Variants in SV2C observed in about 807,000 individuals in gnomAD.
SV2C encodes the protein synaptic vesicle glycoprotein 2C, also known as solute carrier family 22 member B3.
A neutral mutation model predicts 79.7 loss-of-function variants in SV2C; 49 were observed. The observed-to-expected ratio is 0.61, with a 90% CI of 0.49 to 0.78. The LOEUF (loss-of-function observed/expected upper bound fraction) is 0.78. Among genes scored for constraint, SV2C ranks in the 30% least tolerant of loss-of-function variants. The probability of loss-of-function intolerance (pLI) is 0.00; values close to 1 mark genes in which losing one functional copy is unlikely to be tolerated. For synonymous variants in SV2C, 334 were observed against 333.2 expected, an observed-to-expected ratio of 1.00 and a Z score of -0.03; for missense variants, 833 against 912.9, an observed-to-expected ratio of 0.91 and a Z score of 1.13.
intron 2 of SV2C, among the ~76,000 whole-genome samples, chr5:76,160,129 G>A (rs1416064540): frequency 6.6e-6 from 1 of 152,016 alleles, no homozygotes; most frequent in Non-Finnish European, 1.5e-5. Flanking sequence ...GAAATCCTTT[G>A]CAAATGAATC....
At chr5:75,945,307 T>C in the SV2C span, among the ~76,000 whole-genome samples, 1 of 151,728 alleles carries the variant, frequency 6.6e-6, no homozygotes, top group Non-Finnish European at 1.5e-5. Context: ...AAATATACAT[T>C]ATTATTTTTC....
At chr5:76,255,682 C>T (rs1746240749) in intron 4 of SV2C, among the ~76,000 whole-genome samples, 1 of 152,198 alleles carries the variant, frequency 6.6e-6, no homozygotes, top group South Asian at 2.1e-4. Flanking sequence ...CCTGTGAAAG[C>T]CAAGCCCCTC....
In SV2C at chr5:76,291,838, G is replaced by T. The variant is rs1201341219; in HGVS notation, c.1319G>T (p.Trp440Leu). ...RDNTIKLTIV[W>L]FTLSFGYYGL... is the part of the protein sequence containing the mutation. ...AATACAATAAAGCTTACAATTGTTT[G>T]GTTCACCCTGTCCTTTGGGTAAGTG... Residue 440 changes from tryptophan to leucine, a missense_variant, in exon 8 of 13, where the codon TGG (tryptophan) becomes TTG (leucine). Trp to Leu is a moderately conservative substitution (Grantham distance 61). Coordinates refer to ENST00000502798, the MANE Select transcript of SV2C (RefSeq NM_014979.4). 6.2e-7 allele frequency: 1 copy of T among 1,608,722 alleles called. No homozygotes were observed. Among genetic ancestry groups the T allele is most frequent in the Admixed American group, 1.7e-5 (1 of 59,680 alleles).
chr5:75,916,661 G>T, the SV2C span, among the ~76,000 whole-genome samples: 1 of 152,082 alleles, frequency 6.6e-6, no homozygotes, highest in African/African-American at 2.4e-5. Flanking sequence ...TTTTAGTAGA[G>T]ACGGGGTTTC....
intron 4 of SV2C, among the ~76,000 whole-genome samples, chr5:76,222,156 T>C (rs1745084602): frequency 6.6e-6 from 1 of 152,164 alleles, no homozygotes; most frequent in African/African-American, 2.4e-5. Context: ...AACATATCAC[T>C]CCTGGGTGTT....
At chr5:76,061,263 A>C in the SV2C span, among the ~76,000 whole-genome samples, 1 of 126,776 alleles carries the variant, frequency 7.9e-6, no homozygotes. Context: ...CAAACCTTCA[A>C]TTTGTAAAAA....
intron 4 of SV2C, among the ~76,000 whole-genome samples, chr5:76,235,985 C>T (rs1313216188): frequency 6.6e-6 from 1 of 152,014 alleles, no homozygotes; most frequent in Non-Finnish European, 1.5e-5. Flanking sequence ...ATTGTATTTG[C>T]AGAGCTCAGT....
At position 76,264,792 on chromosome 5, in the gene SV2C, G is replaced by C. The variant is rs1260242037; in HGVS notation, c.914-20370G>C. Reference sequence around the variant, plus strand: ...TACAGAACAGTAAAGATTCCTGCCTGCTCCTTCCTCTGGAAGGTTCTTCCC... The same window carrying C: ...TACAGAACAGTAAAGATTCCTGCCTCCTCCTTCCTCTGGAAGGTTCTTCCC... On this transcript the variant is annotated intron_variant, in intron 4 of 12. Coordinates refer to ENST00000502798, the MANE Select transcript of SV2C (RefSeq NM_014979.4). Among the ~76,000 whole-genome samples the C allele has an allele frequency of 2.0e-5, 3 of 152,184 alleles. No homozygotes were observed. The East Asian group carries it at 5.8e-4, about 29-fold the overall frequency.
At chr5:75,937,847 G>A in the SV2C span, among the ~76,000 whole-genome samples, 1 of 150,714 alleles carries the variant, frequency 6.6e-6, no homozygotes, top group African/African-American at 2.4e-5. Context: ...CTTCATTTAT[G>A]TTCAATTTAA....
intron 1 of SV2C, among the ~76,000 whole-genome samples, chr5:76,092,409 G>A: frequency 6.6e-6 from 1 of 152,168 alleles, no homozygotes; most frequent in Non-Finnish European, 1.5e-5. Flanking sequence ...TAATGTAGGT[G>A]AGGTCATCTA....
the SV2C span, among the ~76,000 whole-genome samples, chr5:75,964,066 G>T: frequency 4.6e-5 from 7 of 152,052 alleles, no homozygotes; most frequent in Admixed American, 3.9e-4. Context: ...AAGGGGCTTG[G>T]ATTGTTTAAG....
At chr5:75,877,923 G>T in the SV2C span, among the ~76,000 whole-genome samples, 1 of 146,068 alleles carries the variant, frequency 6.8e-6, no homozygotes, top group Non-Finnish European at 1.5e-5. Context: ...AAAACTTATC[G>T]AATGCAGGGA....
the SV2C span, among the ~76,000 whole-genome samples, chr5:75,937,038 CTCTT>C: frequency 6.8e-6 from 1 of 147,428 alleles, no homozygotes; most frequent in Non-Finnish European, 1.5e-5. Flanking sequence ...GTTAAACCCT[CTCTT>C]TCTGTCACAC....
At chr5:76,143,939 G>T (rs1323118641) in intron 2 of SV2C, among the ~76,000 whole-genome samples, 1 of 152,096 alleles carries the variant, frequency 6.6e-6, no homozygotes, top group African/African-American at 2.4e-5. Flanking sequence ...GAGAAAAACT[G>T]AAGTCAAATA....
chr5:76,116,496 C>G (rs1045078408), intron 1 of SV2C, among the ~76,000 whole-genome samples: 3 of 152,246 alleles, frequency 2.0e-5, no homozygotes, highest in African/African-American at 7.2e-5. Flanking sequence ...CAGTCCCCAC[C>G]GCCTTCCCTA....
At chr5:76,087,426 G>A (rs1441350223) in intron 1 of SV2C, among the ~76,000 whole-genome samples, 5 of 152,206 alleles carry the variant, frequency 3.3e-5, no homozygotes, top group Non-Finnish European at 7.3e-5. Flanking sequence ...AGAGTACAGT[G>A]AGATTTATGA....
intron 12 of SV2C, among the ~76,000 whole-genome samples, chr5:76,303,000 C>G (rs1440517183): frequency 1.3e-5 from 2 of 152,132 alleles, no homozygotes; most frequent in African/African-American, 2.4e-5. Context: ...GAGGTGTATT[C>G]TGTGTGTGTC....
intron 4 of SV2C, among the ~76,000 whole-genome samples, chr5:76,253,216 T>C (rs1184455833): frequency 6.6e-6 from 1 of 152,202 alleles, no homozygotes; most frequent in Non-Finnish European, 1.5e-5. Flanking sequence ...GATAGTGGAA[T>C]GGAAATTCAA....
At chr5:76,266,732 A>T (rs1746669746) in intron 4 of SV2C, among the ~76,000 whole-genome samples, 1 of 152,084 alleles carries the variant, frequency 6.6e-6, no homozygotes, top group African/African-American at 2.4e-5. Flanking sequence ...CTGGAGCTGG[A>T]TGGTGGTGCT....
Sources: gnomAD v4.1 joint callset for allele counts (sites outside exome capture counted in the v4.1 genomes callset) on GRCh38, gnomAD v4.1.1 for gene constraint, MANE v1.5 for transcripts, NCBI Gene and HGNC (gene_info 2026-07-23, HGNC 2026-07-21) for gene names.